Variants in PRP4K observed in about 807,000 individuals in gnomAD.
PRP4K encodes the protein serine/threonine-protein kinase PRP4 homolog.
the PRP4K span, among the ~76,000 whole-genome samples, chr6:4,034,118 G>C: frequency 6.6e-6 from 1 of 151,300 alleles, no homozygotes; most frequent in Non-Finnish European, 1.5e-5. Flanking sequence ...CTTTATCTTA[G>C]GTCTTTCCTT....
chr6:4,034,706 ATTTAT>A, the PRP4K span, among the ~76,000 whole-genome samples: 6 of 151,626 alleles, frequency 4.0e-5, no homozygotes, highest in South Asian at 2.1e-4. Flanking sequence ...ATTTTTATTT[ATTTAT>A]TTTATTTTAT....
chr6:4,064,107 A>G, the PRP4K span: 12,760 of 152,164 alleles, frequency 0.084, 611 homozygotes, highest in Non-Finnish European at 0.098. Context: ...TCTTATATTC[A>G]CCCTTAAATC....
chr6:4,028,830 A>T, the PRP4K span, among the ~76,000 whole-genome samples: 65,303 of 151,560 alleles, frequency 0.43, 15,990 homozygotes, highest in East Asian at 0.61. Flanking sequence ...TCATACCGCC[A>T]TTCTCTCTCC....
chr6:4,055,294 T>G, the PRP4K span, among the ~76,000 whole-genome samples: 1 of 152,250 alleles, frequency 6.6e-6, no homozygotes, highest in Admixed American at 6.5e-5. Context: ...GAATTCAGCT[T>G]ACACTTTAAA....
At chr6:4,030,317 TTG>T in the PRP4K span, among the ~76,000 whole-genome samples, 1 of 152,158 alleles carries the variant, frequency 6.6e-6, no homozygotes, top group Non-Finnish European at 1.5e-5. Flanking sequence ...GTTAAAGAGA[TTG>T]TGAGTAGACA....
At chr6:4,056,499 C>T in the PRP4K span, 8 of 1,611,446 alleles carry the variant, frequency 5.0e-6, no homozygotes, top group Non-Finnish European at 6.8e-6. Flanking sequence ...TACTTAATGT[C>T]TAAGCACTGT....
chr6:4,029,339 A>AT, the PRP4K span, among the ~76,000 whole-genome samples: 498 of 117,482 alleles, frequency 4.2e-3, 3 homozygotes, highest in African/African-American at 8.8e-3. Context: ...GTGTTACTCA[A>AT]TTTTTTTTTT....
the PRP4K span, among the ~76,000 whole-genome samples, chr6:4,043,566 C>T: frequency 2.0e-5 from 3 of 152,124 alleles, no homozygotes; most frequent in African/African-American, 7.2e-5. Context: ...AATGGTGCCT[C>T]ATCTGATCAG....
the PRP4K span, among the ~76,000 whole-genome samples, chr6:4,059,421 G>A: frequency 7.2e-5 from 11 of 152,248 alleles, no homozygotes; most frequent in East Asian, 1.9e-4. Flanking sequence ...TACACATTCT[G>A]TATGAGCCTT....
the PRP4K span, among the ~76,000 whole-genome samples, chr6:4,057,398 A>G: frequency 8.5e-5 from 13 of 152,238 alleles, no homozygotes; most frequent in Non-Finnish European, 1.3e-4. Flanking sequence ...AACTTGTTCA[A>G]TGATGGACAG....
the PRP4K span, among the ~76,000 whole-genome samples, chr6:4,025,016 C>T: frequency 6.6e-6 from 1 of 152,184 alleles, no homozygotes; most frequent in African/African-American, 2.4e-5. Context: ...TACTGTTAAG[C>T]AACCCCATGT....
the PRP4K span, among the ~76,000 whole-genome samples, chr6:4,055,885 T>G: frequency 6.6e-6 from 1 of 152,248 alleles, no homozygotes; most frequent in Non-Finnish European, 1.5e-5. Flanking sequence ...TGTCCAAGTT[T>G]ATTCTGAATC....
chr6:4,027,741 T>A, the PRP4K span, among the ~76,000 whole-genome samples: 1 of 152,064 alleles, frequency 6.6e-6, no homozygotes, highest in Non-Finnish European at 1.5e-5. Context: ...TGAGGATCAC[T>A]TGCCAAGACC....
the PRP4K span, among the ~76,000 whole-genome samples, chr6:4,059,611 G>A: frequency 6.7e-6 from 1 of 150,156 alleles, no homozygotes; most frequent in Non-Finnish European, 1.5e-5. Context: ...TTATCTTATT[G>A]TAAATTTTCA....
the PRP4K span, among the ~76,000 whole-genome samples, chr6:4,048,446 T>C: frequency 6.6e-6 from 1 of 152,086 alleles, no homozygotes; most frequent in African/African-American, 2.4e-5. Flanking sequence ...TTCCACGTAG[T>C]GTCAACTAGT....
the PRP4K span, chr6:4,062,996 A>G: frequency 6.6e-6 from 1 of 152,650 alleles, no homozygotes. This position sits in a 1 kb window ranked among gnomAD's most constrained non-coding sequence, Gnocchi z 4.2. Flanking sequence ...CACTAGAAAC[A>G]GTTCATCTTA....
chr6:4,040,815 C>A, the PRP4K span: 3 of 1,613,886 alleles, frequency 1.9e-6, no homozygotes, highest in Non-Finnish European at 2.5e-6. Context: ...AAGGCGGTCT[C>A]GATCACGCGG....
chr6:4,027,679 A>G, the PRP4K span, among the ~76,000 whole-genome samples: 1 of 151,362 alleles, frequency 6.6e-6, no homozygotes, highest in Non-Finnish European at 1.5e-5. Flanking sequence ...AAACTTCATA[A>G]CACCTTTTCA....
the PRP4K span, among the ~76,000 whole-genome samples, chr6:4,034,593 A>G: frequency 6.6e-6 from 1 of 152,232 alleles, no homozygotes; most frequent in Non-Finnish European, 1.5e-5. Flanking sequence ...CCAGGATACC[A>G]TATAGTATTT....
Sources: gnomAD v4.1 joint callset for allele counts (sites outside exome capture counted in the v4.1 genomes callset) on GRCh38, gnomAD v4.1.1 for gene constraint, Gnocchi (gnomAD v3.1) non-coding constraint, MANE v1.5 for transcripts, NCBI Gene and HGNC (gene_info 2026-07-23, HGNC 2026-07-21) for gene names.